The following RAB38 variants were observed in gnomAD, a reference collection of about 807,000 sequenced individuals.
RAB38 encodes ras-related protein Rab-38.
RAB38 carries 15 observed loss-of-function variants against 18.4 expected under a neutral mutation model. The ratio of observed to expected loss-of-function variants is 0.82; its 90% CI spans 0.55 to 1.26. The LOEUF (loss-of-function observed/expected upper bound fraction) is 1.26, where lower values mean the gene tolerates loss of function less well. RAB38 is among the 50% of genes most tolerant of loss of function. The probability of loss-of-function intolerance (pLI) is 0.00; values close to 1 mark genes in which losing one functional copy is unlikely to be tolerated. For synonymous variants in RAB38, 101 were observed against 104.4 expected (o/e 0.97, Z 0.20); for missense variants, 294 against 267.4 (o/e 1.10, Z -0.69).
chr11:88,040,672 C>T, the RAB38 span, among the ~76,000 whole-genome samples: 2 of 152,160 alleles, frequency 1.3e-5, no homozygotes, highest in East Asian at 1.9e-4. Context: ...CACGGTACTC[C>T]AGCCTGGACA....
At chr11:87,806,072 A>G in the RAB38 span, among the ~76,000 whole-genome samples, 2 of 152,214 alleles carry the variant, frequency 1.3e-5, no homozygotes, top group Admixed American at 1.3e-4. Context: ...AGGTTGATAC[A>G]TAAAATTAGC....
At chr11:88,125,230 C>A (rs933032145) in intron 2 of RAB38, among the ~76,000 whole-genome samples, 2 of 152,138 alleles carry the variant, frequency 1.3e-5, no homozygotes, top group African/African-American at 4.8e-5. Flanking sequence ...TAAGTTCAGA[C>A]CACAAAACTG....
chr11:87,976,673 A>ATATATAAATATATAATTT, the RAB38 span, among the ~76,000 whole-genome samples: 11 of 110,858 alleles, frequency 9.9e-5, no homozygotes, highest in African/African-American at 2.1e-4. Flanking sequence ...ATTTTATATG[A>ATATATAAATATATAATTT]TATATATTTA....
At chr11:88,089,381 G>A in the RAB38 span, among the ~76,000 whole-genome samples, 2 of 149,164 alleles carry the variant, frequency 1.3e-5, no homozygotes, top group Non-Finnish European at 3.0e-5. Context: ...GGAGTCTGAG[G>A]TTTCAATGCT....
At chr11:88,092,860 G>T in the RAB38 span, among the ~76,000 whole-genome samples, 1,349 of 151,818 alleles carry the variant, frequency 8.9e-3, 22 homozygotes, top group African/African-American at 0.031. Flanking sequence ...AATAAAGTTT[G>T]GGAAAAGATG....
the RAB38 span, among the ~76,000 whole-genome samples, chr11:87,931,191 C>A: frequency 2.5e-3 from 383 of 152,180 alleles, no homozygotes; most frequent in African/African-American, 8.8e-3. Flanking sequence ...TCTTCCTACC[C>A]ATGAGCATGG....
chr11:88,118,243 G>C (rs758582575), intron 2 of RAB38, among the ~76,000 whole-genome samples: 2 of 152,368 alleles, frequency 1.3e-5, no homozygotes, highest in South Asian at 4.1e-4. Context: ...AGGCAAGGCT[G>C]ATTTGTATTA....
chr11:87,922,427 C>G, the RAB38 span, among the ~76,000 whole-genome samples: 1 of 151,762 alleles, frequency 6.6e-6, no homozygotes, highest in Non-Finnish European at 1.5e-5. Context: ...TTTGTTTTTC[C>G]TCTGTGGGAA....
the RAB38 span, among the ~76,000 whole-genome samples, chr11:88,037,628 T>G: frequency 3.3e-5 from 5 of 152,136 alleles, no homozygotes; most frequent in South Asian, 8.3e-4. Flanking sequence ...CTAATCTGCT[T>G]TCTATCACAA....
At chr11:87,860,047 G>A in the RAB38 span, among the ~76,000 whole-genome samples, 1 of 151,998 alleles carries the variant, frequency 6.6e-6, no homozygotes, top group East Asian at 1.9e-4. Context: ...TAACTGGGTA[G>A]GATCTTCCCT....
At chr11:88,091,289 G>T in the RAB38 span, among the ~76,000 whole-genome samples, 1 of 152,000 alleles carries the variant, frequency 6.6e-6, no homozygotes, top group Admixed American at 6.6e-5. Context: ...CAGCCCAGGT[G>T]GGCTTCACTA....
the RAB38 span, among the ~76,000 whole-genome samples, chr11:87,976,219 A>T: frequency 1.4e-5 from 2 of 146,560 alleles, no homozygotes; most frequent in Non-Finnish European, 3.0e-5. Flanking sequence ...ATTTTTATGT[A>T]TATACCTATA....
the RAB38 span, among the ~76,000 whole-genome samples, chr11:88,006,966 A>C: frequency 6.6e-6 from 1 of 151,734 alleles, no homozygotes; most frequent in South Asian, 2.1e-4. Flanking sequence ...GTATATTTCA[A>C]AATACCTAAA....
the RAB38 span, among the ~76,000 whole-genome samples, chr11:87,920,736 T>C: frequency 3.3e-5 from 5 of 152,244 alleles, no homozygotes; most frequent in East Asian, 7.8e-4. Context: ...ACATGGGGTA[T>C]TGAATTACTG....
At chr11:87,921,399 T>C in the RAB38 span, among the ~76,000 whole-genome samples, 1 of 151,774 alleles carries the variant, frequency 6.6e-6, no homozygotes, top group Non-Finnish European at 1.5e-5. Context: ...CGCCCAACCG[T>C]AGGCTTATAT....
the RAB38 span, among the ~76,000 whole-genome samples, chr11:88,099,056 A>G: frequency 1.8e-4 from 27 of 151,982 alleles, no homozygotes; most frequent in African/African-American, 6.5e-4. Context: ...GGAAATAAAA[A>G]TGTGTTCTTA....
chr11:88,044,635 G>C, the RAB38 span, among the ~76,000 whole-genome samples: 1 of 152,092 alleles, frequency 6.6e-6, no homozygotes, highest in Admixed American at 6.5e-5. Flanking sequence ...TGGGCAAACG[G>C]TCTGAGGTGC....
the RAB38 span, among the ~76,000 whole-genome samples, chr11:88,027,629 C>G: frequency 3.9e-5 from 6 of 152,164 alleles, no homozygotes; most frequent in African/African-American, 1.4e-4. Flanking sequence ...GCTAGCACAG[C>G]AGTCTGAGAT....
At chr11:88,046,551 G>A in the RAB38 span, among the ~76,000 whole-genome samples, 1 of 152,110 alleles carries the variant, frequency 6.6e-6, no homozygotes, top group Non-Finnish European at 1.5e-5. Flanking sequence ...ACTGCTGCAA[G>A]GCTACACAGA....
Sources: gnomAD v4.1 joint callset for allele counts (sites outside exome capture counted in the v4.1 genomes callset) on GRCh38, gnomAD v4.1.1 for gene constraint, MANE v1.5 for transcripts, NCBI Gene and HGNC (gene_info 2026-07-23, HGNC 2026-07-21) for gene names.